The following PPP1R9A variants were observed in gnomAD, a reference collection of about 807,000 sequenced individuals.
PPP1R9A encodes protein phosphatase 1 regulatory subunit 9A.
PPP1R9A carries 59 observed loss-of-function variants against 141.9 expected under a neutral mutation model. The ratio of observed to expected loss-of-function variants is 0.42; its 90% CI spans 0.34 to 0.52. The LOEUF (loss-of-function observed/expected upper bound fraction) is 0.52, where lower values mean the gene tolerates loss of function less well. Among genes scored for constraint, PPP1R9A ranks in the 20% least tolerant of loss-of-function variants. The pLI is 0.10. For missense variants in PPP1R9A, 1,444 were observed against 1,611.9 expected, an observed-to-expected ratio of 0.90 and a Z score of 1.78; for synonymous variants, 500 against 569.7, an observed-to-expected ratio of 0.88 and a Z score of 1.74.
In PPP1R9A at chr7:95,286,400, GT is replaced by G; in HGVS notation, c.3729+80del. On this transcript the variant is annotated intron_variant, in intron 18 of 19. Transcript: ENST00000433360. The stretch of plus-strand genomic sequence containing the variant: ...ACCCATGAACCATCACCAGGAAAAT[GT>G]TTTTAGGGTAGATATTGCATAGAAA... 3.2e-6 allele frequency: 5 copies of G among 1,575,160 alleles called. No homozygotes were observed. In the Middle Eastern group the frequency reaches 6.8e-4, roughly 216 times the overall value.
intron 2 of PPP1R9A, among the ~76,000 whole-genome samples, chr7:95,103,380 T>TTTTTTTTTTTTTTTTG (rs1819068733): frequency 1.4e-5 from 2 of 143,692 alleles, no homozygotes; most frequent in African/African-American, 5.3e-5. Flanking sequence ...TTTTTTTTTT[T>TTTTTTTTTTTTTTTTG]GAGACAGTCT....
intron 2 of PPP1R9A, among the ~76,000 whole-genome samples, chr7:95,030,513 G>A (rs1256562355): frequency 6.6e-6 from 1 of 151,190 alleles, no homozygotes; most frequent in East Asian, 1.9e-4. Context: ...TTTTAATTTT[G>A]CACAGATTGA....
intron 2 of PPP1R9A, among the ~76,000 whole-genome samples, chr7:95,011,104 A>G (rs963034857): frequency 2.0e-5 from 3 of 152,186 alleles, no homozygotes; most frequent in Non-Finnish European, 2.9e-5. Context: ...TATTTTTCAT[A>G]TCAGCATATT....
At chr7:95,010,427 A>G (rs1804252179) in intron 2 of PPP1R9A, among the ~76,000 whole-genome samples, 1 of 152,176 alleles carries the variant, frequency 6.6e-6, no homozygotes, top group South Asian at 2.1e-4. Context: ...AAGAAAAAAA[A>G]AATAGCTTCC....
intron 2 of PPP1R9A, among the ~76,000 whole-genome samples, chr7:95,034,249 G>C (rs1808124479): frequency 6.6e-6 from 1 of 151,796 alleles, no homozygotes; most frequent in African/African-American, 2.4e-5. Context: ...CATTTAGCAA[G>C]ATTTCTGGTA....
intron 2 of PPP1R9A, among the ~76,000 whole-genome samples, chr7:95,047,100 C>A (rs553158107): frequency 3.0e-4 from 45 of 152,332 alleles, no homozygotes; most frequent in African/African-American, 1.1e-3. Flanking sequence ...CTGTGTAACA[C>A]ACACCATAGT....
At position 94,910,635 on chromosome 7, in the gene PPP1R9A, A is replaced by G. The variant is rs774743690; in HGVS notation, c.522A>G (p.Glu174=). 1.9e-6 allele frequency: 3 copies of G among 1,614,174 alleles called. No homozygotes were observed. The South Asian group carries it at 3.3e-5, about 18-fold the overall frequency. Residue 174 remains glutamate (E), a synonymous_variant, in exon 2 of 20, where the codon GAA becomes GAG. Coordinates refer to ENST00000433360, the MANE Select transcript of PPP1R9A (RefSeq NM_001166160.2). The surrounding 1 kb of genome is among the most constrained non-coding windows in gnomAD (Gnocchi z 4.5). ...CTGGAGGGAGTGAACCTCAGGATGA[A>G]TGGGGAGGTTCCAAGTCCAACAGAG... The part of the protein sequence containing the change: ...EKAGGSEPQD[E]WGGSKSNRGS...
chr7:95,103,362 C>CTTCTTTTTTTTTTTT (rs1819049536), intron 2 of PPP1R9A, among the ~76,000 whole-genome samples: 1 of 88,816 alleles, frequency 1.1e-5, no homozygotes, highest in South Asian at 3.1e-4. Context: ...TTTTTCACTT[C>CTTCTTTTTTTTTTTT]TTTTTTTTTT....
At chr7:95,210,360 A>G (rs957304986) in intron 7 of PPP1R9A, among the ~76,000 whole-genome samples, 2 of 152,138 alleles carry the variant, frequency 1.3e-5, no homozygotes, top group Non-Finnish European at 2.9e-5. Context: ...AAAAATAAAA[A>G]TTAATTTGAT....
At chr7:94,964,820 A>G (rs1798023867) in intron 2 of PPP1R9A, among the ~76,000 whole-genome samples, 1 of 152,072 alleles carries the variant, frequency 6.6e-6, no homozygotes, top group East Asian at 1.9e-4. Context: ...TTTTTAGTAG[A>G]ATGATTTGAG....
chr7:95,260,506 C>T (rs1417609243), intron 12 of PPP1R9A, among the ~76,000 whole-genome samples: 1 of 152,042 alleles, frequency 6.6e-6, no homozygotes, highest in African/African-American at 2.4e-5. Context: ...TGGGGAAACC[C>T]TGTCTCTACT....
chr7:95,154,943 C>G (rs989315420), intron 4 of PPP1R9A: 1 of 152,078 alleles, frequency 6.6e-6, no homozygotes, highest in African/African-American at 2.4e-5. Context: ...CAAGAAATCC[C>G]TTTAATCTTA....
chr7:95,130,050 A>G lies in PPP1R9A; in HGVS notation c.1649+9218A>G, dbSNP rs547589933. ...TCAAATCAGCTGCAGAAATTTGCAC[A>G]AGTAATAAGTAGCTGAGTGTTAATC... On this transcript the variant is annotated intron_variant, in intron 4 of 19. Transcript: ENST00000433360. Among the ~76,000 whole-genome samples the G allele has an allele frequency of 1.2e-4, 19 of 152,324 alleles. No homozygotes were observed. The South Asian group carries it at 3.9e-3, about 32-fold the overall frequency.
chr7:94,922,847 A>G (rs1793014385), intron 2 of PPP1R9A, among the ~76,000 whole-genome samples: 1 of 152,164 alleles, frequency 6.6e-6, no homozygotes, highest in African/African-American at 2.4e-5. Context: ...AATTACATTA[A>G]AAGATAGTGG....
rs772354114 is a variant in PPP1R9A at position 95,247,516 on chromosome 7, T to G, written c.2156T>G (p.Leu719Trp). The change falls in exon 9 of 20, where the codon TTG (leucine) becomes TGG (tryptophan). Residue 719 changes from leucine to tryptophan, a missense_variant. Physicochemically the swap from Leu to Trp is moderately conservative, Grantham distance 61. Transcript: ENST00000433360. Reference protein sequence around the residue: ...HAVTEAEIQKLKTKLQAAENE... With the variant: ...HAVTEAEIQKWKTKLQAAENE... ...GTTACAGAAGCAGAGATTCAAAAAT[T>G]GAAGACCAAGGTAAGCACCGAAACA... The G allele has an allele frequency of 1.9e-6, 3 of 1,608,566 alleles. No individual in the cohort carries two copies.
At chr7:95,178,117 A>G (rs1833170146) in intron 5 of PPP1R9A, among the ~76,000 whole-genome samples, 1 of 152,170 alleles carries the variant, frequency 6.6e-6, no homozygotes, top group South Asian at 2.1e-4. Flanking sequence ...TCTCCAAGAT[A>G]GACCATGTGA....
intron 2 of PPP1R9A, among the ~76,000 whole-genome samples, chr7:95,023,150 T>G (rs1278343110): frequency 1.3e-5 from 2 of 152,168 alleles, no homozygotes; most frequent in African/African-American, 4.8e-5. Flanking sequence ...CTGCCTCAGT[T>G]TTAGAACTTG....
intron 1 of PPP1R9A, 35 bp downstream of exon 1, chr7:94,907,737 C>CG (rs1015266223): frequency 2.0e-5 from 3 of 152,304 alleles, no homozygotes; most frequent in African/African-American, 7.2e-5. Flanking sequence ...TCCTCACCCC[C>CG]GCGGCCTCTC....
chr7:95,024,479 T>G (rs1405746276), intron 2 of PPP1R9A, among the ~76,000 whole-genome samples: 5 of 152,164 alleles, frequency 3.3e-5, no homozygotes, highest in Non-Finnish European at 7.3e-5. Context: ...TGCATGTATA[T>G]TTAGGATAAT....
Sources: allele counts gnomAD v4.1 joint callset (sites outside exome capture counted in the v4.1 genomes callset), GRCh38; gene constraint gnomAD v4.1.1; non-coding constraint Gnocchi (gnomAD v3.1); transcripts MANE v1.5; gene names NCBI Gene and HGNC (gene_info 2026-07-23, HGNC 2026-07-21).